The following DAB1 variants were observed in gnomAD, a reference collection of about 807,000 sequenced individuals.
DAB1 encodes the protein disabled homolog 1.
Under a neutral mutation model 64.6 loss-of-function variants are expected in DAB1, and 15 were observed. The ratio of observed to expected loss-of-function variants is 0.23; its 90% CI spans 0.16 to 0.36. DAB1 has a LOEUF of 0.36. Ranked by LOEUF, DAB1 falls within the 10% of genes least tolerant of loss-of-function variation. The pLI, the probability that DAB1 is intolerant of heterozygous loss-of-function variation, is 1.00. For synonymous variants in DAB1, 235 were observed against 251.9 expected (o/e 0.93, Z 0.64); for missense variants, 596 against 706.7 (o/e 0.84, Z 1.78).
intron 2 of DAB1, among the ~76,000 whole-genome samples, chr1:57,196,167 T>C (rs1446060188): frequency 6.6e-6 from 1 of 152,224 alleles, no homozygotes; most frequent in Non-Finnish European, 1.5e-5. Flanking sequence ...TGAGTTAGGA[T>C]GTCTCAAAAT....
At chr1:57,864,626 T>C (rs1471329571) in intron 1 of DAB1, 1 of 151,680 alleles carries the variant, frequency 6.6e-6, no homozygotes, top group African/African-American at 2.4e-5. Context: ...TTATGTGTAC[T>C]GTATCTAATT....
At chr1:58,081,698 T>A (rs923325375) in intron 5 of DAB1, among the ~76,000 whole-genome samples, 9 of 152,238 alleles carry the variant, frequency 5.9e-5, no homozygotes, top group African/African-American at 2.2e-4. Flanking sequence ...CCACCTGGGC[T>A]ACTTCAAAGG....
chr1:57,917,498 T>C (rs1270915653), intron 5 of DAB1, among the ~76,000 whole-genome samples: 1 of 152,312 alleles, frequency 6.6e-6, no homozygotes, highest in East Asian at 1.9e-4. Context: ...CAGAATCATA[T>C]CTTCCTTTGA....
At chr1:57,061,231 G>A (rs943903161) in intron 9 of DAB1, among the ~76,000 whole-genome samples, 3 of 90,604 alleles carry the variant, frequency 3.3e-5, no homozygotes, top group East Asian at 7.6e-4. Context: ...ATTTAGATGG[G>A]GGGGGGGGGT....
chr1:57,791,705 C>G (rs1650606610), intron 6 of DAB1, among the ~76,000 whole-genome samples: 1 of 152,172 alleles, frequency 6.6e-6, no homozygotes, highest in Non-Finnish European at 1.5e-5. Flanking sequence ...GCATATCCAA[C>G]AGCAAGACAG....
At chr1:57,328,277 C>T (rs530153901) in intron 1 of DAB1, among the ~76,000 whole-genome samples, 2 of 152,288 alleles carry the variant, frequency 1.3e-5, no homozygotes, top group African/African-American at 4.8e-5. Flanking sequence ...TGAGTCCAAC[C>T]TCTGTGCCAG....
chr1:58,523,763 G>T (rs1223763004), intron 2 of DAB1, among the ~76,000 whole-genome samples: 2 of 151,998 alleles, frequency 1.3e-5, no homozygotes, highest in Non-Finnish European at 2.9e-5. Context: ...GCCGGGCATG[G>T]TGGTGGGTGC....
At chr1:58,144,075 A>G (rs1225435416) in intron 5 of DAB1, among the ~76,000 whole-genome samples, 3 of 152,252 alleles carry the variant, frequency 2.0e-5, no homozygotes, top group African/African-American at 7.2e-5. Context: ...TGATGGAAGA[A>G]TTCAAAGCTC....
chr1:58,191,002 A>G (rs1230065333), intron 4 of DAB1, among the ~76,000 whole-genome samples: 2 of 152,232 alleles, frequency 1.3e-5, no homozygotes, highest in Non-Finnish European at 2.9e-5. Flanking sequence ...GTTATCAACA[A>G]TAGCCCACAG....
intron 4 of DAB1, among the ~76,000 whole-genome samples, chr1:57,100,877 A>T (rs1654620796): frequency 6.6e-6 from 1 of 152,174 alleles, no homozygotes; most frequent in Non-Finnish European, 1.5e-5. Context: ...AGAGAAAAGC[A>T]GAAGGTAAAT....
intron 5 of DAB1, among the ~76,000 whole-genome samples, chr1:57,993,220 A>G (rs1163011737): frequency 2.6e-5 from 4 of 152,164 alleles, no homozygotes; most frequent in African/African-American, 9.7e-5. Context: ...ATGCATGGGT[A>G]TTTCAGAGAG....
At chr1:57,452,166 CT>C (rs78592207) in intron 7 of DAB1, among the ~76,000 whole-genome samples, 234 of 75,032 alleles carry the variant, frequency 3.1e-3, no homozygotes, top group African/African-American at 3.7e-3. Context: ...TGCACCCCCC[CT>C]TTTTTTTTTT....
intron 1 of DAB1, among the ~76,000 whole-genome samples, chr1:57,365,849 C>T (rs1292545821): frequency 1.3e-5 from 2 of 152,162 alleles, no homozygotes; most frequent in African/African-American, 4.8e-5. Flanking sequence ...CTGACACCTT[C>T]TAGTGTGTCT....
At chr1:57,247,117 G>A (rs1412485561) in intron 2 of DAB1, among the ~76,000 whole-genome samples, 1 of 152,182 alleles carries the variant, frequency 6.6e-6, no homozygotes, top group South Asian at 2.1e-4. Context: ...GTTTTGAAAT[G>A]TGAGAAGGAC....
chr1:57,151,968 C>A (rs779890313), intron 2 of DAB1, among the ~76,000 whole-genome samples: 2 of 151,982 alleles, frequency 1.3e-5, no homozygotes, highest in Non-Finnish European at 2.9e-5. Flanking sequence ...TGCCCGCCAC[C>A]ATGCCCGGCT....
intron 1 of DAB1, chr1:57,874,999 T>A (rs1644019235): frequency 6.6e-6 from 1 of 152,182 alleles, no homozygotes; most frequent in East Asian, 1.9e-4. Flanking sequence ...TGAAACTTTC[T>A]CAGAGCAAGT....
At chr1:57,036,306 T>C (rs1647148185) in intron 9 of DAB1, among the ~76,000 whole-genome samples, 1 of 152,166 alleles carries the variant, frequency 6.6e-6, no homozygotes, top group Non-Finnish European at 1.5e-5. Flanking sequence ...TGCCCTGCTC[T>C]TGGCTACAGT....
intron 1 of DAB1, among the ~76,000 whole-genome samples, chr1:57,869,861 C>T (rs150580403): frequency 6.6e-6 from 1 of 152,210 alleles, no homozygotes; most frequent in African/African-American, 2.4e-5. Flanking sequence ...ACATGGAAAC[C>T]TAATCATAAC....
At chr1:57,530,746 T>C (rs1644653331) in intron 7 of DAB1, among the ~76,000 whole-genome samples, 1 of 152,218 alleles carries the variant, frequency 6.6e-6, no homozygotes, top group African/African-American at 2.4e-5. Flanking sequence ...AGAATGTTCA[T>C]TAAGAGAGCC....
Sources: allele counts gnomAD v4.1 joint callset (sites outside exome capture counted in the v4.1 genomes callset), GRCh38; gene constraint gnomAD v4.1.1; transcripts MANE v1.5; gene names NCBI Gene and HGNC (gene_info 2026-07-23, HGNC 2026-07-21).